The following PTPRD variants were observed in gnomAD, a reference collection of about 807,000 sequenced individuals.
The protein encoded by PTPRD is receptor-type tyrosine-protein phosphatase delta.
Under a neutral mutation model 214.5 loss-of-function variants are expected in PTPRD, and 34 were observed. The observed-to-expected ratio is 0.16, with a 90% CI of 0.12 to 0.21. The LOEUF (loss-of-function observed/expected upper bound fraction) is 0.21, where lower values mean the gene tolerates loss of function less well. Among genes scored for constraint, PTPRD ranks in the 10% least tolerant of loss-of-function variants. The probability of loss-of-function intolerance (pLI) is 1.00; values close to 1 mark genes in which losing one functional copy is unlikely to be tolerated. For synonymous variants in PTPRD, 1,128 were observed against 845.7 expected (o/e 1.33, Z -5.79); for missense variants, 2,545 against 2,398.7 (o/e 1.06, Z -1.27).
intron 22 of PTPRD, among the ~76,000 whole-genome samples, chr9:8,506,637 G>T (rs1475029418): frequency 1.3e-5 from 2 of 152,032 alleles, no homozygotes; most frequent in Non-Finnish European, 2.9e-5. Flanking sequence ...TAGCTCCAGT[G>T]CTACTATAAA....
intron 10 of PTPRD, among the ~76,000 whole-genome samples, chr9:9,024,141 C>A (rs1031971592): frequency 7.2e-5 from 11 of 151,748 alleles, no homozygotes; most frequent in Admixed American, 5.9e-4. Flanking sequence ...AGTCTCTTTT[C>A]TATGCATTAA....
At chr9:10,542,202 T>C (rs2059263599) in intron 2 of PTPRD, among the ~76,000 whole-genome samples, 1 of 152,148 alleles carries the variant, frequency 6.6e-6, no homozygotes, top group Non-Finnish European at 1.5e-5. Context: ...TGCTTTGTAC[T>C]AAGAATAGCC....
At chr9:8,747,367 G>C (rs1598598234) in intron 11 of PTPRD, among the ~76,000 whole-genome samples, 1 of 152,172 alleles carries the variant, frequency 6.6e-6, no homozygotes, top group African/African-American at 2.4e-5. Context: ...TGGAAAGAAA[G>C]GGAATTCCTA....
At chr9:9,881,627 A>G (rs1229210346) in intron 5 of PTPRD, among the ~76,000 whole-genome samples, 5 of 152,156 alleles carry the variant, frequency 3.3e-5, no homozygotes, top group Non-Finnish European at 5.9e-5. Flanking sequence ...TTGGGGGCAT[A>G]GCAAAGAGCT....
intron 3 of PTPRD, among the ~76,000 whole-genome samples, chr9:10,069,728 A>G (rs2097958835): frequency 6.6e-6 from 1 of 152,030 alleles, no homozygotes; most frequent in Non-Finnish European, 1.5e-5. Flanking sequence ...TCTTAGTTTT[A>G]GGGAAAAAAC....
chr9:9,788,789 T>C (rs943059723), intron 5 of PTPRD, among the ~76,000 whole-genome samples: 1 of 147,698 alleles, frequency 6.8e-6, no homozygotes, highest in Non-Finnish European at 1.5e-5. Flanking sequence ...TTAAAGAATA[T>C]TTTTTTTTTC....
intron 8 of PTPRD, among the ~76,000 whole-genome samples, chr9:9,531,087 C>A (rs1000970073): frequency 1.3e-5 from 2 of 152,120 alleles, no homozygotes; most frequent in Non-Finnish European, 2.9e-5. Flanking sequence ...ATGTACACCC[C>A]AAATGCCTTG....
intron 21 of PTPRD, among the ~76,000 whole-genome samples, chr9:8,513,519 C>T (rs1377918665): frequency 1.3e-5 from 2 of 152,038 alleles, no homozygotes; most frequent in African/African-American, 4.8e-5. Context: ...ACACAGAAGA[C>T]ATCAAAATGT....
rs533619970 is a variant in PTPRD at position 9,088,581 on chromosome 9, G to GAAAA, written c.-142-69850_-142-69847dup. On this transcript the variant is annotated intron_variant, in intron 10 of 45. Transcript: ENST00000381196. ...GGCGACAGAGTGAGACTTAGTCTCAGAAAAAAAAAAAAAAAAAAAAAAAAA... is the reference window on the plus strand; with the variant it reads ...GGCGACAGAGTGAGACTTAGTCTCAGAAAAAAAAAAAAAAAAAAAAAAAAAAAAA... 6.2e-3 allele frequency among the ~76,000 whole-genome samples: 205 copies of GAAAA among 33,022 alleles called. 9 individuals are homozygous for GAAAA. The highest frequency in any genetic ancestry group is 0.011 in the African/African-American group (122 of 10,614). 21.7% of individuals were successfully genotyped at this position (33,022 alleles called of 152,430 possible).
intron 12 of PTPRD, among the ~76,000 whole-genome samples, chr9:8,701,901 C>A (rs1174377501): frequency 6.6e-6 from 1 of 152,106 alleles, no homozygotes; most frequent in African/African-American, 2.4e-5. Flanking sequence ...TTATTCTTTT[C>A]TCAATGTATT....
chr9:10,025,868 A>C (rs772254036), intron 4 of PTPRD, among the ~76,000 whole-genome samples: 8 of 152,212 alleles, frequency 5.3e-5, no homozygotes, highest in Non-Finnish European at 1.2e-4. Context: ...AGTTCACGGA[A>C]CATTTCAACC....
At chr9:10,489,957 C>T (rs879286324) in intron 2 of PTPRD, among the ~76,000 whole-genome samples, 19 of 152,118 alleles carry the variant, frequency 1.2e-4, no homozygotes, top group Admixed American at 8.5e-4. Flanking sequence ...GTTAAAACCA[C>T]GTACTTTGAG....
chr9:9,319,922 T>C (rs1315846194), intron 9 of PTPRD, among the ~76,000 whole-genome samples: 1 of 152,172 alleles, frequency 6.6e-6, no homozygotes, highest in Non-Finnish European at 1.5e-5. Context: ...CATAAAGTCC[T>C]TTTTTAACAA....
chr9:9,070,619 A>T (rs999220518), intron 10 of PTPRD, among the ~76,000 whole-genome samples: 2 of 152,176 alleles, frequency 1.3e-5, no homozygotes, highest in Admixed American at 1.3e-4. Context: ...TTTTAAAATA[A>T]AAGCAATAAG....
intron 8 of PTPRD, among the ~76,000 whole-genome samples, chr9:9,454,261 C>T (rs1020706241): frequency 6.6e-6 from 1 of 151,658 alleles, no homozygotes; most frequent in Non-Finnish European, 1.5e-5. Context: ...AGCTTTTACC[C>T]ATTTTCTTGA....
At chr9:9,762,892 T>C (rs555898884) in intron 6 of PTPRD, among the ~76,000 whole-genome samples, 1 of 152,310 alleles carries the variant, frequency 6.6e-6, no homozygotes, top group South Asian at 2.1e-4. Context: ...ATGAAATTTC[T>C]TTCTCACATT....
chr9:8,544,750 C>T (rs1166090530), intron 14 of PTPRD, among the ~76,000 whole-genome samples: 1 of 151,942 alleles, frequency 6.6e-6, no homozygotes, highest in African/African-American at 2.4e-5. Context: ...GGATTACAGG[C>T]ATGAGCCACC....
intron 9 of PTPRD, among the ~76,000 whole-genome samples, chr9:9,331,430 G>C (rs1041359498): frequency 6.6e-6 from 1 of 152,060 alleles, no homozygotes. Context: ...AGAGACATTG[G>C]ATTATCTGCG....
chr9:9,192,539 A>C (rs560404352), intron 9 of PTPRD, among the ~76,000 whole-genome samples: 2 of 152,246 alleles, frequency 1.3e-5, no homozygotes, highest in East Asian at 3.9e-4. Flanking sequence ...GCAACAATTC[A>C]TAATTTCCCT....
Sources: gnomAD v4.1 joint callset for allele counts (sites outside exome capture counted in the v4.1 genomes callset) on GRCh38, gnomAD v4.1.1 for gene constraint, MANE v1.5 for transcripts, NCBI Gene and HGNC (gene_info 2026-07-23, HGNC 2026-07-21) for gene names.